The following CSMD1 variants were observed in gnomAD, a reference collection of about 807,000 sequenced individuals.
The protein encoded by CSMD1 is CUB and Sushi multiple domains 1.
A neutral mutation model predicts 417.5 loss-of-function variants in CSMD1; 213 were observed. The observed-to-expected ratio is 0.51, with a 90% confidence interval of 0.46 to 0.57. The LOEUF (loss-of-function observed/expected upper bound fraction) is 0.57, where lower values mean the gene tolerates loss of function less well. CSMD1 is among the 20% of genes least tolerant of loss of function. The pLI is 0.00. For missense variants in CSMD1, 6,923 were observed against 4,529.7 expected, an observed-to-expected ratio of 1.53 and a Z score of -15.17; for synonymous variants, 2,862 against 1,736.8, an observed-to-expected ratio of 1.65 and a Z score of -16.11.
rs865907838 is a variant in CSMD1 at position 4,355,806 on chromosome 8, G to A, written c.415+64147C>T. ...AACATGTGCTACTAACCTGGCTGCTGTTTGGAAGTGAAGATTTCTAGATTC... is the reference window on the plus strand; with the variant it reads ...AACATGTGCTACTAACCTGGCTGCTATTTGGAAGTGAAGATTTCTAGATTC... On this transcript the variant is annotated intron_variant, in intron 3 of 69. Coordinates refer to ENST00000635120, the MANE Select transcript of CSMD1 (RefSeq NM_033225.6). Among the ~76,000 whole-genome samples, 19 of 152,320 alleles carry A rather than the reference G, an allele frequency of 1.2e-4. 1 individual carries two copies. The highest frequency in any genetic ancestry group is 8.5e-4 in the Admixed American group (13 of 15,298).
intron 25 of CSMD1, among the ~76,000 whole-genome samples, chr8:3,295,121 A>T (rs1803867704): frequency 9.8e-6 from 1 of 101,672 alleles, no homozygotes. Context: ...CTTTTATTTT[A>T]TTTATTTATT....
intron 2 of CSMD1, among the ~76,000 whole-genome samples, chr8:4,592,655 A>C (rs1800051114): frequency 1.3e-5 from 2 of 152,240 alleles, no homozygotes; most frequent in South Asian, 4.2e-4. Context: ...CCAAAGTGCT[A>C]GGATTACCAG....
chr8:3,247,729 G>A (rs988443657), intron 26 of CSMD1, among the ~76,000 whole-genome samples: 3 of 152,106 alleles, frequency 2.0e-5, no homozygotes, highest in Non-Finnish European at 4.4e-5. Context: ...AACATGTGCA[G>A]GCACAGAATG....
At chr8:4,745,764 G>C (rs1016874023) in intron 1 of CSMD1, among the ~76,000 whole-genome samples, 2 of 152,130 alleles carry the variant, frequency 1.3e-5, no homozygotes, top group African/African-American at 2.4e-5. Flanking sequence ...TAAATCTATA[G>C]GAACACGCAT....
chr8:3,779,080 A>C (rs140788962), intron 5 of CSMD1, among the ~76,000 whole-genome samples: 1 of 152,138 alleles, frequency 6.6e-6, no homozygotes, highest in Non-Finnish European at 1.5e-5. Context: ...CTCTAAATGG[A>C]ATGTAGGTTA....
chr8:2,950,803 G>C (rs1006272812), intron 66 of CSMD1, among the ~76,000 whole-genome samples: 4 of 152,118 alleles, frequency 2.6e-5, no homozygotes, highest in Admixed American at 2.6e-4. Flanking sequence ...GAGCACATGA[G>C]TTAAGAAAAA....
chr8:3,715,618 C>G (rs998443545), intron 6 of CSMD1, among the ~76,000 whole-genome samples: 29 of 152,216 alleles, frequency 1.9e-4, no homozygotes, highest in African/African-American at 2.4e-5. Flanking sequence ...TCTGGACTCA[C>G]TGCAACCTCC....
intron 12 of CSMD1, among the ~76,000 whole-genome samples, chr8:3,449,589 C>G (rs1364070759): frequency 3.3e-5 from 5 of 151,848 alleles, no homozygotes; most frequent in African/African-American, 1.2e-4. Flanking sequence ...ACAATATTGG[C>G]TCACTGCAAA....
At chr8:3,035,206 C>T (rs1407368146) in intron 50 of CSMD1, among the ~76,000 whole-genome samples, 2 of 152,138 alleles carry the variant, frequency 1.3e-5, no homozygotes, top group African/African-American at 4.8e-5. Flanking sequence ...ACTCCCCAGT[C>T]CCCCACCATC....
chr8:4,775,434 TAA>T (rs142769062), intron 1 of CSMD1, among the ~76,000 whole-genome samples: 7,886 of 152,244 alleles, frequency 0.052, 257 homozygotes, highest in Admixed American at 0.075. Context: ...AGAATCTAAA[TAA>T]AGTCTGTGCT....
intron 18 of CSMD1, among the ~76,000 whole-genome samples, chr8:3,376,230 A>G (rs1301671251): frequency 1.3e-5 from 2 of 152,028 alleles, no homozygotes; most frequent in African/African-American, 4.8e-5. Context: ...TAATAACATA[A>G]TTACTATTGA....
chr8:3,605,341 C>T (rs915661382), intron 8 of CSMD1, among the ~76,000 whole-genome samples: 6 of 152,196 alleles, frequency 3.9e-5, no homozygotes, highest in Admixed American at 3.3e-4. Flanking sequence ...GGTTTCTACA[C>T]AGTCCATAAG....
intron 6 of CSMD1, among the ~76,000 whole-genome samples, chr8:3,753,538 G>T (rs910634438): frequency 6.6e-6 from 1 of 152,180 alleles, no homozygotes; most frequent in Non-Finnish European, 1.5e-5. Flanking sequence ...GATTAAAAGT[G>T]ATATTACAAT....
chr8:3,474,194 T>C (rs10112704), intron 11 of CSMD1, among the ~76,000 whole-genome samples: 26,944 of 152,070 alleles, frequency 0.18, 2,567 homozygotes, highest in African/African-American at 0.25. Flanking sequence ...GCTGTGCATG[T>C]GAGGTTTATT....
intron 41 of CSMD1, among the ~76,000 whole-genome samples, chr8:3,141,272 C>T (rs1290552172): frequency 3.3e-5 from 5 of 152,260 alleles, no homozygotes; most frequent in African/African-American, 7.2e-5. Flanking sequence ...CAAAATTATA[C>T]CTGAGGAAAT....
In CSMD1 at chr8:4,014,129, T is replaced by G. The variant is rs540985019; in HGVS notation, c.611-16019A>C. ...AGCAAATTAAAAAGAAATGCAAGTA[T>G]CAAAAGTTATATTAATTGTGGTGAA... On this transcript the variant is annotated intron_variant, in intron 4 of 69. Coordinates refer to ENST00000635120, the MANE Select transcript of CSMD1 (RefSeq NM_033225.6). Among the ~76,000 whole-genome samples the G allele has an allele frequency of 3.1e-4, 47 of 152,304 alleles. No individual in the cohort carries two copies. The South Asian group carries it at 6.4e-3, about 21-fold the overall frequency.
intron 7 of CSMD1, among the ~76,000 whole-genome samples, chr8:3,699,194 C>G (rs1489420305): frequency 6.6e-6 from 1 of 152,222 alleles, no homozygotes; most frequent in Non-Finnish European, 1.5e-5. Context: ...ACTGTGTTTT[C>G]TGACTGACTA....
chr8:4,093,995 T>C (rs544905895), intron 3 of CSMD1, among the ~76,000 whole-genome samples: 1 of 151,094 alleles, frequency 6.6e-6, no homozygotes, highest in African/African-American at 2.4e-5. Context: ...GATAGATAGA[T>C]AGATAGATAG....
At chr8:4,724,520 ATGTGTGTGTGTG>A (rs66498850) in intron 1 of CSMD1, among the ~76,000 whole-genome samples, 23 of 145,214 alleles carry the variant, frequency 1.6e-4, no homozygotes, top group African/African-American at 2.6e-4. Flanking sequence ...TTATATATAT[ATGTGTGTGTGTG>A]TGTGTGTGTG....
Sources: gnomAD v4.1 joint callset for allele counts (sites outside exome capture counted in the v4.1 genomes callset) on GRCh38, gnomAD v4.1.1 for gene constraint, MANE v1.5 for transcripts, NCBI Gene and HGNC (gene_info 2026-07-23, HGNC 2026-07-21) for gene names.